The following NAALADL2 variants were observed in gnomAD, a reference collection of about 807,000 sequenced individuals.
The protein encoded by NAALADL2 is N-acetylated alpha-linked acidic dipeptidase like 2, also known as inactive N-acetylated-alpha-linked acidic dipeptidase-like protein 2.
A neutral mutation model predicts 87.2 loss-of-function variants in NAALADL2; 76 were observed. The observed-to-expected ratio is 0.87, with a 90% CI of 0.72 to 1.05. The LOEUF is 1.05. Among genes scored for constraint, NAALADL2 ranks in the 50% least tolerant of loss-of-function variants. The pLI is 0.00. For synonymous variants in NAALADL2, 354 were observed against 331.0 expected, an observed-to-expected ratio of 1.07 and a Z score of -0.75; for missense variants, 1,089 against 945.8, an observed-to-expected ratio of 1.15 and a Z score of -1.99.
chr3:175,719,059 TCTC>T (rs1183443956), intron 11 of NAALADL2, among the ~76,000 whole-genome samples: 4 of 151,994 alleles, frequency 2.6e-5, no homozygotes, highest in Admixed American at 1.3e-4. Flanking sequence ...CCAGGATGAA[TCTC>T]CTCTGAAATT....
chr3:174,894,481 A>G (rs1731243664), intron 1 of NAALADL2, among the ~76,000 whole-genome samples: 1 of 151,418 alleles, frequency 6.6e-6, no homozygotes, highest in Admixed American at 6.6e-5. Context: ...GTGGTCCCAG[A>G]CACTTGGGAG....
At position 175,241,488 on chromosome 3, in the gene NAALADL2, T is replaced by C. The variant is rs183186616; in HGVS notation, c.819+7284T>C. On this transcript the variant is annotated intron_variant, in intron 3 of 13. Coordinates refer to ENST00000454872, the MANE Select transcript of NAALADL2 (RefSeq NM_207015.3). ...CACCCACCTCGGCCTCCCAAAGTGC[T>C]GGGATTCCAGGTGTGAGCCACTGTA... is the stretch of plus-strand genomic sequence containing the variant. Among the ~76,000 whole-genome samples the C allele has an allele frequency of 2.0e-3, 306 of 152,310 alleles. 2 individuals are homozygous for C. The highest frequency in any genetic ancestry group is 6.8e-3 in the African/African-American group (281 of 41,580).
chr3:174,499,490 G>T (rs779414180), intron 1 of NAALADL2, among the ~76,000 whole-genome samples: 67 of 152,006 alleles, frequency 4.4e-4, no homozygotes, highest in Non-Finnish European at 8.8e-4. Context: ...TACTAAGACA[G>T]CTCTGCCTAT....
rs1346621678 is a variant in NAALADL2 at position 174,883,516 on chromosome 3, T to A, written c.43+24066T>A. ...AAAGCTAGCAATACTTAAATGCTGA[T>A]GTGAAGTCAATAAATCTTATGTCAC... On this transcript the variant is annotated intron_variant, in intron 1 of 13. Coordinates refer to ENST00000454872, the MANE Select transcript of NAALADL2 (RefSeq NM_207015.3). Among the ~76,000 whole-genome samples, 6 of 152,244 alleles carry A rather than the reference T, an allele frequency of 3.9e-5. 1 individual carries two copies. The highest frequency in any genetic ancestry group is 8.8e-5 in the Non-Finnish European group (6 of 68,046).
At chr3:174,610,878 A>C (rs1197297907) in intron 2 of NAALADL2, among the ~76,000 whole-genome samples, 1 of 152,180 alleles carries the variant, frequency 6.6e-6, no homozygotes, top group Non-Finnish European at 1.5e-5. Context: ...ATGTTTATTG[A>C]GGCACTGTTC....
At chr3:175,106,849 C>T (rs1339961657) in intron 2 of NAALADL2, among the ~76,000 whole-genome samples, 1 of 152,010 alleles carries the variant, frequency 6.6e-6, no homozygotes, top group Non-Finnish European at 1.5e-5. Flanking sequence ...TCCATAATCT[C>T]ATAGGAGTGA....
At chr3:174,594,364 C>T (rs909028541) in intron 2 of NAALADL2, among the ~76,000 whole-genome samples, 43 of 152,166 alleles carry the variant, frequency 2.8e-4, no homozygotes, top group Admixed American at 2.7e-3. Flanking sequence ...TTTACCTCAA[C>T]TGTCAAATAG....
chr3:174,741,620 T>C (rs1733771136), intron 3 of NAALADL2, among the ~76,000 whole-genome samples: 2 of 151,600 alleles, frequency 1.3e-5, no homozygotes, highest in Admixed American at 1.3e-4. Context: ...ATTCATATAG[T>C]GAATAAAAAG....
intron 1 of NAALADL2, among the ~76,000 whole-genome samples, chr3:174,522,933 CAAAAAA>C (rs57653560): frequency 1.3e-5 from 1 of 75,838 alleles, no homozygotes. Context: ...GACTCTGTCT[CAAAAAA>C]AAAAAAAAAA....
Position 175,178,294 on chromosome 3 carries a change from A to C in NAALADL2, c.546-55637A>C, listed in dbSNP as rs553127329. Among the ~76,000 whole-genome samples the C allele has an allele frequency of 2.7e-3, 412 of 152,182 alleles. 3 individuals are homozygous for C. The highest frequency in any genetic ancestry group is 9.4e-3 in the African/African-American group (392 of 41,548). On this transcript the variant is annotated intron_variant, in intron 2 of 13. Coordinates refer to ENST00000454872, the MANE Select transcript of NAALADL2 (RefSeq NM_207015.3). ...CATATATATGTGCATTTAATAAAAA[A>C]AGGGTACATATAATTTTGAATCATC...
intron 6 of NAALADL2, among the ~76,000 whole-genome samples, chr3:175,452,853 A>T (rs911838307): frequency 6.6e-6 from 1 of 152,102 alleles, no homozygotes; most frequent in Non-Finnish European, 1.5e-5. Context: ...GTAGGGGGGA[A>T]CCTATTGTCC....
chr3:175,505,401 T>C (rs1327900082), intron 9 of NAALADL2, among the ~76,000 whole-genome samples: 1 of 152,124 alleles, frequency 6.6e-6, no homozygotes, highest in East Asian at 1.9e-4. Context: ...ATTTTCCCAC[T>C]AGAACCAAGT....
intron 1 of NAALADL2, among the ~76,000 whole-genome samples, chr3:174,990,074 A>G (rs1320374504): frequency 6.6e-6 from 1 of 152,202 alleles, no homozygotes; most frequent in Non-Finnish European, 1.5e-5. Context: ...ATCAATATGC[A>G]TGAGGATAGA....
intron 9 of NAALADL2, among the ~76,000 whole-genome samples, chr3:175,569,865 A>G (rs1460488740): frequency 7.0e-6 from 1 of 141,988 alleles, no homozygotes; most frequent in African/African-American, 2.8e-5. Context: ...CAGACACTTT[A>G]TATATACATT....
intron 3 of NAALADL2, among the ~76,000 whole-genome samples, chr3:174,801,566 C>T (rs978115299): frequency 3.3e-5 from 5 of 152,050 alleles, no homozygotes; most frequent in African/African-American, 1.2e-4. Context: ...TGGAGAAAAG[C>T]ATTTGGTTTA....
intron 1 of NAALADL2, among the ~76,000 whole-genome samples, chr3:174,512,820 A>G (rs906034839): frequency 6.6e-6 from 1 of 152,024 alleles, no homozygotes; most frequent in African/African-American, 2.4e-5. Flanking sequence ...TTGCCTGAAA[A>G]CAGTGTTTTT....
intron 9 of NAALADL2, among the ~76,000 whole-genome samples, chr3:175,473,597 A>G: frequency 6.6e-6 from 1 of 151,868 alleles, no homozygotes; most frequent in East Asian, 1.9e-4. Flanking sequence ...AAAATTTAAT[A>G]TCACATTTTT....
chr3:175,106,872 C>T (rs1723247994), intron 2 of NAALADL2, among the ~76,000 whole-genome samples: 1 of 151,420 alleles, frequency 6.6e-6, no homozygotes, highest in Admixed American at 6.6e-5. Flanking sequence ...TACAGGGGAA[C>T]ATTTAAATTA....
At chr3:175,246,536 A>G (rs1304281413) in intron 3 of NAALADL2, among the ~76,000 whole-genome samples, 1 of 152,166 alleles carries the variant, frequency 6.6e-6, no homozygotes. Context: ...TGCTTCCTCA[A>G]GGTGGAGAAG....
Sources: gnomAD v4.1 joint callset for allele counts (sites outside exome capture counted in the v4.1 genomes callset) on GRCh38, gnomAD v4.1.1 for gene constraint, MANE v1.5 for transcripts, NCBI Gene and HGNC (gene_info 2026-07-23, HGNC 2026-07-21) for gene names.